Variants in ITSN1 observed in about 807,000 individuals in gnomAD.
The protein encoded by ITSN1 is intersectin-1.
ITSN1 carries 58 observed loss-of-function variants against 239.8 expected under a neutral mutation model. That is an observed-to-expected ratio of 0.24 (90% CI 0.20 to 0.30). The LOEUF (loss-of-function observed/expected upper bound fraction) is 0.30, where lower values mean the gene tolerates loss of function less well. Ranked by LOEUF, ITSN1 falls within the 10% of genes least tolerant of loss-of-function variation. ITSN1 has a pLI of 1.00. For synonymous variants in ITSN1, 780 were observed against 770.8 expected, an observed-to-expected ratio of 1.01 and a Z score of -0.20; for missense variants, 1,558 against 2,103.3, an observed-to-expected ratio of 0.74 and a Z score of 5.07.
chr21:33,810,813 A>T, intron 20 of ITSN1, 162 bp from the exon 21 acceptor site: 2 of 851,872 alleles, frequency 2.3e-6, no homozygotes. Context: ...TTTCAGCATT[A>T]CTGCTTAGAC....
In ITSN1 at chr21:33,707,862, A is replaced by C. The variant is rs1358007075; in HGVS notation, c.-32-10935A>C. 2.6e-5 allele frequency among the ~76,000 whole-genome samples: 4 copies of C among 152,252 alleles called. No individual in the cohort carries two copies. The East Asian group carries it at 7.7e-4, about 29-fold the overall frequency. ...ATAAAGCTTGATAGTACATTTGTAT[A>C]GAAATCTTTGTGTGGGCATAAATTT... On this transcript the variant is annotated intron_variant, in intron 1 of 39. Transcript: ENST00000381318.
At chr21:33,676,667 C>G (rs2146453764) in intron 1 of ITSN1, among the ~76,000 whole-genome samples, 1 of 152,290 alleles carries the variant, frequency 6.6e-6, no homozygotes, top group Non-Finnish European at 1.5e-5. Context: ...TTTGGTTGCA[C>G]TGTGCAAACA....
intron 14 of ITSN1, 120 bp from the exon 15 acceptor site, chr21:33,781,341 G>A: frequency 1.6e-6 from 1 of 638,764 alleles, no homozygotes; most frequent in East Asian, 3.2e-5. Context: ...ATTAAATGCA[G>A]CTTCACCATG....
chr21:33,690,809 ATATATG>A (rs1175108881), intron 1 of ITSN1, among the ~76,000 whole-genome samples: 324 of 20,552 alleles, frequency 0.016, 68 homozygotes, highest in Non-Finnish European at 0.022. Flanking sequence ...ATATATATAT[ATATATG>A]TATATATATA....
At chr21:33,827,938 T>C (rs1420239049) in intron 26 of ITSN1, among the ~76,000 whole-genome samples, 1 of 152,178 alleles carries the variant, frequency 6.6e-6, no homozygotes, top group Non-Finnish European at 1.5e-5. Context: ...AAATTTCACG[T>C]AGTCTAGGAT....
intron 33 of ITSN1, among the ~76,000 whole-genome samples, chr21:33,872,884 A>G (rs1447895724): frequency 1.3e-5 from 2 of 152,236 alleles, no homozygotes; most frequent in African/African-American, 4.8e-5. Context: ...TGTACATTGT[A>G]CAATATTACT....
At chr21:33,664,889 C>A (rs1300317095) in intron 1 of ITSN1, among the ~76,000 whole-genome samples, 2 of 149,838 alleles carry the variant, frequency 1.3e-5, no homozygotes, top group Admixed American at 1.3e-4. Context: ...GAAGCTTCGC[C>A]ATTTGTTTTA....
intron 29 of ITSN1, among the ~76,000 whole-genome samples, chr21:33,851,149 C>T (rs1978298596): frequency 6.6e-6 from 1 of 152,226 alleles, no homozygotes; most frequent in Admixed American, 6.5e-5. Context: ...GTCACCCTGT[C>T]ATCTGGCCCT....
At chr21:33,860,841 A>G (rs1980382286) in intron 31 of ITSN1, among the ~76,000 whole-genome samples, 1 of 152,190 alleles carries the variant, frequency 6.6e-6, no homozygotes, top group Non-Finnish European at 1.5e-5. Context: ...AGTTTTGGGC[A>G]TTAAGGTGGC....
At chr21:33,652,738 A>G (rs1283356314) in intron 1 of ITSN1, among the ~76,000 whole-genome samples, 1 of 152,110 alleles carries the variant, frequency 6.6e-6, no homozygotes, top group Non-Finnish European at 1.5e-5. Flanking sequence ...TGTATTACCA[A>G]TGAGTGTGAA....
chr21:33,653,240 C>T (rs2088711266), intron 1 of ITSN1, among the ~76,000 whole-genome samples: 1 of 152,122 alleles, frequency 6.6e-6, no homozygotes, highest in South Asian at 2.1e-4. Flanking sequence ...GATGATCTGC[C>T]CTCCTCAGCC....
chr21:33,808,435 A>G (rs2072640084), intron 20 of ITSN1, among the ~76,000 whole-genome samples: 1 of 151,850 alleles, frequency 6.6e-6, no homozygotes, highest in East Asian at 1.9e-4. Context: ...AAATACAGAA[A>G]TTAGCCAGGC....
At position 33,888,174 on chromosome 21, in the gene ITSN1, C is replaced by T; in HGVS notation, c.5040C>T (p.Ile1680=). 6.2e-7 allele frequency: 1 copy of T among 1,614,106 alleles called. No individual in the cohort carries two copies. The highest frequency in any genetic ancestry group is 8.5e-7 in the Non-Finnish European group (1 of 1,180,016). The change falls in exon 40 of 40, where the codon ATC becomes ATT. Residue 1680 remains isoleucine, a synonymous_variant. Transcript: ENST00000381318. ...CAGATTTTTTGGGTCGGACGGAGAT[C>T]CGTGTGGCGGACATCAAGAAAGACC... ...SPDDFLGRTE[I]RVADIKKDQG... is the part of the protein sequence containing the mutation.
chr21:33,769,051 T>A (rs2068927656), intron 11 of ITSN1, among the ~76,000 whole-genome samples: 1 of 152,102 alleles, frequency 6.6e-6, no homozygotes, highest in African/African-American at 2.4e-5. Flanking sequence ...TGGTGTAGAC[T>A]GGGGAAGATA....
At chr21:33,699,532 C>T (rs537261715) in intron 1 of ITSN1, among the ~76,000 whole-genome samples, 1 of 152,162 alleles carries the variant, frequency 6.6e-6, no homozygotes, top group Admixed American at 6.5e-5. Context: ...CCAGGCTGGG[C>T]AACATGGTGA....
intron 1 of ITSN1, among the ~76,000 whole-genome samples, chr21:33,704,964 A>C (rs182066367): frequency 4.1e-4 from 61 of 150,100 alleles, no homozygotes; most frequent in African/African-American, 1.5e-3. Context: ...CAAAAACATT[A>C]GCCAGGCGTG....
intron 4 of ITSN1, among the ~76,000 whole-genome samples, chr21:33,724,849 C>A (rs947210885): frequency 2.6e-5 from 4 of 152,048 alleles, no homozygotes; most frequent in Admixed American, 2.0e-4. Context: ...AAGGTGGGAT[C>A]TTGCTATGTT....
At chr21:33,823,682 C>G (rs1213618855) in intron 25 of ITSN1, 29 bp downstream of exon 25, 6 of 1,594,146 alleles carry the variant, frequency 3.8e-6, no homozygotes, top group Non-Finnish European at 5.1e-6. Context: ...TTTCCTCTCC[C>G]TTTCTGTGCG....
At chr21:33,684,353 G>C (rs2091130931) in intron 1 of ITSN1, among the ~76,000 whole-genome samples, 1 of 152,170 alleles carries the variant, frequency 6.6e-6, no homozygotes, top group African/African-American at 2.4e-5. Context: ...CTAAAAGACA[G>C]TCAAGGGGTT....
Sources: gnomAD v4.1 joint callset for allele counts (sites outside exome capture counted in the v4.1 genomes callset) on GRCh38, gnomAD v4.1.1 for gene constraint, MANE v1.5 for transcripts, NCBI Gene and HGNC (gene_info 2026-07-23, HGNC 2026-07-21) for gene names.